Variants in CDK5RAP1 observed in about 807,000 individuals in gnomAD.
The protein encoded by CDK5RAP1 is CDK5RAP1 mitochondrial tRNA methylthiotransferase.
A neutral mutation model predicts 64.5 loss-of-function variants in CDK5RAP1; 62 were observed. The observed-to-expected ratio is 0.96, with a 90% CI of 0.78 to 1.19. CDK5RAP1 has a LOEUF of 1.19. CDK5RAP1 is among the 50% of genes most tolerant of loss of function. CDK5RAP1 has a pLI of 0.00. For synonymous variants in CDK5RAP1, 250 were observed against 261.9 expected, an observed-to-expected ratio of 0.95 and a Z score of 0.44; for missense variants, 657 against 735.0, an observed-to-expected ratio of 0.89 and a Z score of 1.23.
intron 1 of CDK5RAP1, among the ~76,000 whole-genome samples, chr20:33,399,007 T>C (rs1169993376): frequency 1.3e-5 from 2 of 152,092 alleles, no homozygotes; most frequent in African/African-American, 4.8e-5. Context: ...GCTACCTACA[T>C]TATACTACTG....
intron 5 of CDK5RAP1, among the ~76,000 whole-genome samples, chr20:33,389,455 C>T (rs1988000866): frequency 2.6e-5 from 4 of 151,666 alleles, no homozygotes; most frequent in Admixed American, 2.6e-4. Flanking sequence ...AAGTGAGGAG[C>T]GTCTCCGCCC....
rs1988375289 is a variant in CDK5RAP1 at position 33,392,015 on chromosome 20, A to G, written c.544+127T>C. 1.1e-5 allele frequency: 7 copies of G among 651,438 alleles called. No homozygotes were observed. In the South Asian group the frequency reaches 1.3e-4, roughly 12 times the overall value. The allele number at this position is 651,438 out of a possible 1,614,324, so 40.4% of individuals were successfully genotyped here. On this transcript the variant is annotated intron_variant, in intron 5 of 13. Transcript: ENST00000346416. ...CCTGTCACCTCTGGCAGTAAGTACAAGAATTGCATGGGATATATAAGATTT... is the reference window on the plus strand; with the variant it reads ...CCTGTCACCTCTGGCAGTAAGTACAGGAATTGCATGGGATATATAAGATTT...
intron 7 of CDK5RAP1, among the ~76,000 whole-genome samples, chr20:33,381,963 A>G (rs1005844324): frequency 1.3e-5 from 2 of 152,174 alleles, no homozygotes; most frequent in African/African-American, 4.8e-5. Flanking sequence ...TAAAGTCTGA[A>G]GAGAGTTAAT....
At position 33,396,759 on chromosome 20, in the gene CDK5RAP1, A is replaced by G. The variant is rs1988932235; in HGVS notation, c.304+2T>C. Reference sequence around the variant, plus strand: ...CAAAGGGATAAGCGAAGTAAAACCAACCTTTTCTCTGCCTTCCAAGAAGTT... The same window carrying G: ...CAAAGGGATAAGCGAAGTAAAACCAGCCTTTTCTCTGCCTTCCAAGAAGTT... On this transcript the variant is annotated splice_donor_variant, in intron 2 of 13. Transcript: ENST00000346416. LOFTEE classifies it high-confidence loss of function. 1 of 1,610,462 alleles carries G rather than the reference A, an allele frequency of 6.2e-7. No individual in the cohort carries two copies. Among genetic ancestry groups the G allele is most frequent in the South Asian group, 1.1e-5 (1 of 90,900 alleles).
chr20:33,359,209 C>G (rs1982450968), intron 13 of CDK5RAP1, 86 bp from the exon 14 acceptor site: 1 of 1,006,902 alleles, frequency 9.9e-7, no homozygotes, highest in Admixed American at 1.9e-5. Flanking sequence ...GAGAAGCCCC[C>G]AAAAGGAATC....
At chr20:33,383,055 CCT>C (rs1278447017) in intron 7 of CDK5RAP1, among the ~76,000 whole-genome samples, 5 of 151,678 alleles carry the variant, frequency 3.3e-5, no homozygotes, top group Non-Finnish European at 7.4e-5. Context: ...GTGGTGCACA[CCT>C]GTAATTCCAG....
At position 33,397,126 on chromosome 20, in the gene CDK5RAP1, T is replaced by A. The variant is rs1294973741; in HGVS notation, c.-20-42A>T. 4 of 1,450,614 alleles carry A rather than the reference T, an allele frequency of 2.8e-6. No homozygotes were observed. The South Asian group carries it at 5.2e-5, about 19-fold the overall frequency. The allele number at this position is 1,450,614 out of a possible 1,614,324, so 89.9% of individuals were successfully genotyped here. On this transcript the variant is annotated intron_variant, in intron 1 of 13. Coordinates refer to ENST00000346416, the MANE Select transcript of CDK5RAP1 (RefSeq NM_016408.4). ...GACATCACCAGCATTTATTGAACAC[T>A]ATGGACAGGACACTGCTGTGAGCAC...
At chr20:33,389,921 A>C (rs1480164803) in intron 5 of CDK5RAP1, among the ~76,000 whole-genome samples, 1 of 148,686 alleles carries the variant, frequency 6.7e-6, no homozygotes, top group Non-Finnish European at 1.5e-5. Context: ...AAAATGTACT[A>C]CATATACACA....
Position 33,389,136 on chromosome 20 carries a change from G to A in CDK5RAP1, c.545-1603C>T, listed in dbSNP as rs550775400. 2.6e-5 allele frequency among the ~76,000 whole-genome samples: 4 copies of A among 151,762 alleles called. No individual in the cohort carries two copies. The East Asian group carries it at 7.8e-4, about 30-fold the overall frequency. ...TGCCCGGCTGCCCAGTCTGGGAACT[G>A]AGGAGCGCCTCTTCCCGGCCGCCAT... On this transcript the variant is annotated intron_variant, in intron 5 of 13. Coordinates refer to ENST00000346416, the MANE Select transcript of CDK5RAP1 (RefSeq NM_016408.4).
At chr20:33,366,318 CAAAAAAAAAAA>C (rs759479446) in intron 12 of CDK5RAP1, among the ~76,000 whole-genome samples, 1 of 31,794 alleles carries the variant, frequency 3.1e-5, no homozygotes, top group South Asian at 1.1e-3. Context: ...GACTCCATCT[CAAAAAAAAAAA>C]AAAAAAAAAA....
chr20:33,383,206 T>TA (rs962530999), intron 7 of CDK5RAP1, among the ~76,000 whole-genome samples: 27 of 151,976 alleles, frequency 1.8e-4, no homozygotes, highest in African/African-American at 6.3e-4. Context: ...AAATAAATAA[T>TA]AAAAAGATTT....
intron 12 of CDK5RAP1, among the ~76,000 whole-genome samples, chr20:33,363,120 T>C (rs1007941698): frequency 6.6e-6 from 1 of 152,200 alleles, no homozygotes; most frequent in African/African-American, 2.4e-5. Flanking sequence ...TCTCTGGTAT[T>C]CCTGCCAAAG....
intron 5 of CDK5RAP1, among the ~76,000 whole-genome samples, chr20:33,388,569 T>C (rs1400184130): frequency 3.6e-4 from 24 of 67,012 alleles, no homozygotes; most frequent in Non-Finnish European, 5.3e-4. Context: ...TCCCTCTCCC[T>C]CTCCCCCTCT....
chr20:33,398,997 G>GTAATA (rs1989153967), intron 1 of CDK5RAP1, among the ~76,000 whole-genome samples: 1 of 152,100 alleles, frequency 6.6e-6, no homozygotes, highest in Non-Finnish European at 1.5e-5. Flanking sequence ...TATGCTCCAT[G>GTAATA]CTACCTACAT....
At chr20:33,360,565 C>T (rs1477911555) in intron 12 of CDK5RAP1, 74 bp from the exon 13 acceptor site, 1 of 1,373,760 alleles carries the variant, frequency 7.3e-7, no homozygotes, top group Non-Finnish European at 1.0e-6. Flanking sequence ...ACTGTGCCTT[C>T]TCTGTCTCGG....
intron 12 of CDK5RAP1, among the ~76,000 whole-genome samples, chr20:33,364,875 C>CTT (rs79643943): frequency 0.01 from 1,424 of 139,976 alleles, 20 homozygotes; most frequent in African/African-American, 0.035. Context: ...TGACCAGCCT[C>CTT]TTTTTTTTTT....
intron 7 of CDK5RAP1, among the ~76,000 whole-genome samples, chr20:33,383,837 G>C (rs1025467159): frequency 3.6e-5 from 5 of 139,236 alleles, no homozygotes; most frequent in Admixed American, 1.5e-4. Context: ...GCTTGAATCT[G>C]GGAGGTGGAG....
chr20:33,375,445 G>A (rs1282916373), intron 8 of CDK5RAP1, among the ~76,000 whole-genome samples: 1 of 148,872 alleles, frequency 6.7e-6, no homozygotes, highest in Non-Finnish European at 1.5e-5. Flanking sequence ...AAAACATAAA[G>A]AGAACACATT....
At chr20:33,399,389 C>A (rs1989185632) in intron 1 of CDK5RAP1, among the ~76,000 whole-genome samples, 1 of 152,182 alleles carries the variant, frequency 6.6e-6, no homozygotes, top group Admixed American at 6.5e-5. Flanking sequence ...CCTGCTCTGG[C>A]CATCACCCCC....
Sources: allele counts gnomAD v4.1 joint callset (sites outside exome capture counted in the v4.1 genomes callset), GRCh38; gene constraint gnomAD v4.1.1; transcripts MANE v1.5; gene names NCBI Gene and HGNC (gene_info 2026-07-23, HGNC 2026-07-21).